Variants in TOM1L1 observed in about 807,000 individuals in gnomAD.
TOM1L1 encodes the protein TOM1-like protein 1.
TOM1L1 carries 64 observed loss-of-function variants against 63.4 expected under a neutral mutation model. The observed-to-expected ratio is 1.01, with a 90% CI of 0.83 to 1.24. TOM1L1 has a LOEUF of 1.24. Ranked by LOEUF, TOM1L1 falls within the 50% of genes most tolerant of loss-of-function variation. TOM1L1 has a pLI of 0.00. For missense variants in TOM1L1, 536 were observed against 567.0 expected (o/e 0.95, Z 0.55); for synonymous variants, 166 against 194.4 (o/e 0.85, Z 1.22).
intron 10 of TOM1L1, chr17:54,938,562 G>C (rs1206131460): frequency 6.1e-6 from 1 of 163,660 alleles, no homozygotes; most frequent in East Asian, 1.8e-4. Flanking sequence ...AGTATGTACT[G>C]TAATTTTTTA....
intron 12 of TOM1L1, 165 bp downstream of exon 12, chr17:54,947,477 G>T: frequency 1.5e-6 from 1 of 663,178 alleles, no homozygotes; most frequent in South Asian, 1.8e-5. Flanking sequence ...GTTTGTATTT[G>T]CTATCTCCAC....
intron 7 of TOM1L1, among the ~76,000 whole-genome samples, chr17:54,923,685 A>G (rs968820238): frequency 9.9e-5 from 15 of 152,052 alleles, no homozygotes; most frequent in African/African-American, 3.4e-4. Flanking sequence ...AGCTGAGACT[A>G]TAGGTGCCTG....
chr17:54,952,121 T>TA (rs1256406303), intron 14 of TOM1L1: 1 of 152,144 alleles, frequency 6.6e-6, no homozygotes, highest in Non-Finnish European at 1.5e-5. Flanking sequence ...ATCTGGAAGA[T>TA]ACAAATTTTA....
intron 3 of TOM1L1, among the ~76,000 whole-genome samples, chr17:54,909,777 G>A (rs541722725): frequency 6.6e-6 from 1 of 152,100 alleles, no homozygotes; most frequent in South Asian, 2.1e-4. Flanking sequence ...TTTGTTCCTT[G>A]GCTCCTGAGT....
intron 14 of TOM1L1, among the ~76,000 whole-genome samples, chr17:54,960,196 C>G (rs2077080513): frequency 1.3e-5 from 2 of 152,010 alleles, no homozygotes; most frequent in South Asian, 2.1e-4. Context: ...AACCCTGTCT[C>G]TACTTAAAAT....
chr17:54,933,248 T>G (rs544355634), intron 8 of TOM1L1, among the ~76,000 whole-genome samples: 1 of 152,284 alleles, frequency 6.6e-6, no homozygotes, highest in Admixed American at 6.5e-5. Context: ...GCCAACCATG[T>G]CTAGTTCAGG....
In TOM1L1 at chr17:54,900,963, A is replaced by G. The variant is rs749075468; in HGVS notation, c.58+40A>G. ...GGAGAGACGCCCAGGCAGGCAGGGG[A>G]CCGTGGGATCCTTTCCTGCTTGATC... On this transcript the variant is annotated intron_variant, in intron 1 of 15. Coordinates refer to ENST00000575882, the MANE Select transcript of TOM1L1 (RefSeq NM_005486.3). 1.9e-6 allele frequency: 3 copies of G among 1,612,682 alleles called. No individual in the cohort carries two copies. The South Asian group carries it at 3.3e-5, about 18-fold the overall frequency.
In TOM1L1 at chr17:54,928,991, AAGCATACAT is replaced by A. The variant is rs543771174; in HGVS notation, c.721-1080_721-1072del. Among the ~76,000 whole-genome samples, 15 of 152,338 alleles carry A rather than the reference AAGCATACAT, an allele frequency of 9.8e-5. No homozygotes were observed. The South Asian group carries it at 2.9e-3, about 29-fold the overall frequency. ...GTTTGAGATTCTGAATGGTTTCATG[AAGCATACAT>A]ACATTTTTCAGCAGGTCTTTCTTTC... On this transcript the variant is annotated intron_variant, in intron 7 of 15. Transcript: ENST00000575882.
At chr17:54,913,403 C>T (rs929579745) in intron 4 of TOM1L1, among the ~76,000 whole-genome samples, 3 of 152,076 alleles carry the variant, frequency 2.0e-5, no homozygotes, top group Admixed American at 1.3e-4. Flanking sequence ...CGGTGGCTCA[C>T]GCCTGTAATC....
intron 7 of TOM1L1, among the ~76,000 whole-genome samples, chr17:54,919,978 T>TTTTATTTA (rs1338300753): frequency 2.8e-5 from 4 of 145,336 alleles, no homozygotes; most frequent in Non-Finnish European, 6.1e-5. Context: ...GGTTTTGGTT[T>TTTTATTTA]TTTATTGATT....
intron 11 of TOM1L1, among the ~76,000 whole-genome samples, chr17:54,943,022 GTTGA>G (rs2049056639): frequency 6.6e-6 from 1 of 152,132 alleles, no homozygotes; most frequent in Admixed American, 6.5e-5. Context: ...GATCTTATTG[GTTGA>G]TTGAGTCTTT....
chr17:54,906,160 A>G (rs1298741072), intron 3 of TOM1L1, among the ~76,000 whole-genome samples: 1 of 150,622 alleles, frequency 6.6e-6, no homozygotes, highest in Non-Finnish European at 1.5e-5. Flanking sequence ...ATAAAGAGAA[A>G]CCTCAACTCT....
chr17:54,951,657 A>G (rs2049242918), intron 14 of TOM1L1, among the ~76,000 whole-genome samples: 1 of 152,226 alleles, frequency 6.6e-6, no homozygotes, highest in African/African-American at 2.4e-5. Context: ...TCATAAGACC[A>G]CAGTTGCCAA....
rs546710467 is a variant in TOM1L1, at chr17:54,932,082, A to G, written c.854+1876A>G. Reference sequence around the variant, plus strand: ...CGATTCTCCTGCCTCAGCCTGTAGCAGGACGAGCCGCAGACAAAACTCCTC... The same window carrying G: ...CGATTCTCCTGCCTCAGCCTGTAGCGGGACGAGCCGCAGACAAAACTCCTC... On this transcript the variant is annotated intron_variant, in intron 8 of 15. Coordinates refer to ENST00000575882, the MANE Select transcript of TOM1L1 (RefSeq NM_005486.3). Among the ~76,000 whole-genome samples the G allele has an allele frequency of 2.2e-4, 34 of 151,914 alleles. 1 individual carries two copies. The highest frequency in any genetic ancestry group is 8.2e-4 in the African/African-American group (34 of 41,408).
At chr17:54,953,352 C>A (rs898656650) in intron 14 of TOM1L1, 1 of 152,392 alleles carries the variant, frequency 6.6e-6, no homozygotes, top group African/African-American at 2.4e-5. Context: ...CTGGGTAACA[C>A]AGACCCTGTC....
In TOM1L1 at chr17:54,913,878, G is replaced by GA; in HGVS notation, c.498+6dup. On this transcript the variant is annotated splice_donor_region_variant and intron_variant, in intron 5 of 15. Transcript: ENST00000575882. ...GCTGAAACAGCAAGACAAGAGGTAG[G>GA]AGGCCTTTCTTTGACCCATGGAGAC... The GA allele has an allele frequency of 1.9e-6, 3 of 1,604,480 alleles. No individual in the cohort carries two copies. The highest frequency in any genetic ancestry group is 2.6e-6 in the Non-Finnish European group (3 of 1,174,072).
intron 12 of TOM1L1, 154 bp downstream of exon 12, chr17:54,947,466 AGTTT>A: frequency 1.3e-6 from 1 of 745,052 alleles, no homozygotes; most frequent in Non-Finnish European, 2.2e-6. Flanking sequence ...ATTTTTTTGG[AGTTT>A]GTATTTGCTA....
At chr17:54,907,858 A>G (rs1000052097) in intron 3 of TOM1L1, among the ~76,000 whole-genome samples, 7 of 152,104 alleles carry the variant, frequency 4.6e-5, no homozygotes, top group Non-Finnish European at 8.8e-5. Context: ...ATTCATAACA[A>G]TTTGCCGCTT....
intron 11 of TOM1L1, among the ~76,000 whole-genome samples, chr17:54,939,370 TTGTCTC>T (rs767402748): frequency 2.6e-5 from 4 of 152,040 alleles, no homozygotes; most frequent in Non-Finnish European, 5.9e-5. Context: ...CTTCAATAAA[TTGTCTC>T]TGTTTATTTT....
Sources: allele counts gnomAD v4.1 joint callset (sites outside exome capture counted in the v4.1 genomes callset), GRCh38; gene constraint gnomAD v4.1.1; transcripts MANE v1.5; gene names NCBI Gene and HGNC (gene_info 2026-07-23, HGNC 2026-07-21).